Variants in TMEM132D observed in about 807,000 individuals in gnomAD.
TMEM132D encodes mature OL transmembrane protein.
In TMEM132D, 21 loss-of-function variants were observed where a neutral mutation model predicts 62.3. The observed-to-expected ratio is 0.34, with a 90% CI of 0.24 to 0.49. The LOEUF is 0.49. Among genes scored for constraint, TMEM132D ranks in the 20% least tolerant of loss-of-function variants. The pLI, the probability that TMEM132D is intolerant of heterozygous loss-of-function variation, is 0.99. For synonymous variants in TMEM132D, 621 were observed against 575.6 expected, an observed-to-expected ratio of 1.08 and a Z score of -1.13; for missense variants, 1,346 against 1,402.8, an observed-to-expected ratio of 0.96 and a Z score of 0.65.
At chr12:129,274,540 G>A (rs2135603436) in intron 4 of TMEM132D, among the ~76,000 whole-genome samples, 1 of 152,162 alleles carries the variant, frequency 6.6e-6, no homozygotes, top group South Asian at 2.1e-4. Context: ...AAGAGCAGTA[G>A]GCCTTTTCCT....
Position 129,494,878 on chromosome 12 carries a change from C to G in TMEM132D, c.1115+36181G>C, listed in dbSNP as rs73429779. On this transcript the variant is annotated intron_variant, in intron 3 of 8. Coordinates refer to ENST00000422113, the MANE Select transcript of TMEM132D (RefSeq NM_133448.3). Reference sequence around the variant, plus strand: ...CTGGCCTCTTTGGGATCCTCAAACACTTCAGACATATGCCCTGTACTCAGT... The same window carrying G: ...CTGGCCTCTTTGGGATCCTCAAACAGTTCAGACATATGCCCTGTACTCAGT... 9.7e-3 allele frequency among the ~76,000 whole-genome samples: 1,472 copies of G among 152,296 alleles called. 27 individuals carry two copies. Among genetic ancestry groups the G allele is most frequent in the African/African-American group, 0.033 (1,388 of 41,562 alleles).
intron 3 of TMEM132D, among the ~76,000 whole-genome samples, chr12:129,369,313 G>C (rs771498329): frequency 6.6e-6 from 1 of 151,880 alleles, no homozygotes; most frequent in Non-Finnish European, 1.5e-5. Flanking sequence ...CTCCCTAATC[G>C]ATGATCCACC....
At chr12:129,882,447 A>C (rs1461718551) in intron 1 of TMEM132D, among the ~76,000 whole-genome samples, 1 of 152,198 alleles carries the variant, frequency 6.6e-6, no homozygotes, top group Non-Finnish European at 1.5e-5. Context: ...GAGGAAAATA[A>C]GGATAGTCCA....
intron 2 of TMEM132D, among the ~76,000 whole-genome samples, chr12:129,560,412 G>A (rs755482581): frequency 3.3e-5 from 5 of 151,574 alleles, no homozygotes; most frequent in African/African-American, 4.8e-5. Flanking sequence ...GATCACAGGT[G>A]TGCACCACTA....
intron 1 of TMEM132D, among the ~76,000 whole-genome samples, chr12:129,881,329 T>C (rs1874589614): frequency 6.6e-6 from 1 of 152,042 alleles, no homozygotes. Context: ...GAATATGGAC[T>C]ATCTGGTATG....
chr12:129,325,779 C>T (rs1476604923), intron 4 of TMEM132D, among the ~76,000 whole-genome samples: 5 of 152,194 alleles, frequency 3.3e-5, no homozygotes, highest in Non-Finnish European at 5.9e-5. Context: ...GAATTAGTCA[C>T]AAACATGCCC....
intron 5 of TMEM132D, among the ~76,000 whole-genome samples, chr12:129,188,023 G>A (rs927008316): frequency 3.3e-5 from 5 of 152,208 alleles, no homozygotes; most frequent in Admixed American, 2.6e-4. Flanking sequence ...ACATGACGCG[G>A]TAGACTGACA....
chr12:129,793,500 A>G (rs1242210250), intron 1 of TMEM132D, among the ~76,000 whole-genome samples: 1 of 152,020 alleles, frequency 6.6e-6, no homozygotes, highest in Non-Finnish European at 1.5e-5. Context: ...TCAACCTCAC[A>G]AGTAGCTGGG....
intron 1 of TMEM132D, among the ~76,000 whole-genome samples, chr12:129,729,656 T>G (rs1248482832): frequency 1.3e-5 from 2 of 152,240 alleles, no homozygotes; most frequent in Admixed American, 1.3e-4. Flanking sequence ...AATGCTTATC[T>G]TTCTACTGGC....
chr12:129,506,752 A>C (rs1875342967), intron 3 of TMEM132D, among the ~76,000 whole-genome samples: 1 of 152,220 alleles, frequency 6.6e-6, no homozygotes, highest in East Asian at 1.9e-4. Flanking sequence ...GAACTACAAA[A>C]ATTCTAGAAG....
At chr12:129,297,119 G>T (rs1881598086) in intron 4 of TMEM132D, among the ~76,000 whole-genome samples, 2 of 152,220 alleles carry the variant, frequency 1.3e-5, no homozygotes, top group African/African-American at 4.8e-5. Flanking sequence ...CACGCAGGGA[G>T]ACCCCCGTCT....
rs571509478 is a variant in TMEM132D at position 129,376,821 on chromosome 12, G to A, written c.1116-39004C>T. On this transcript the variant is annotated intron_variant, in intron 3 of 8. Transcript: ENST00000422113. ...ACTTAACGAGTTATTTCTTGTAAACGTGTGTTAAAGAAAAACAGAACTTAA... is the reference window on the plus strand; with the variant it reads ...ACTTAACGAGTTATTTCTTGTAAACATGTGTTAAAGAAAAACAGAACTTAA... Among the ~76,000 whole-genome samples the A allele has an allele frequency of 5.6e-4, 86 of 152,298 alleles. 1 individual carries two copies. Among genetic ancestry groups the A allele is most frequent in the African/African-American group, 2.0e-3 (82 of 41,564 alleles).
chr12:129,626,698 C>T (rs529792664), intron 2 of TMEM132D, among the ~76,000 whole-genome samples: 19 of 152,240 alleles, frequency 1.2e-4, no homozygotes, highest in East Asian at 3.9e-4. Flanking sequence ...TCAAGTGATC[C>T]GCCCTCCTCA....
At position 129,547,536 on chromosome 12, in the gene TMEM132D, ACAG is replaced by A. The variant is rs796148301; in HGVS notation, c.969-16334_969-16332del. Reference sequence around the variant, plus strand: ...AAGGGATGAGGGCATTTTCAGGAGCACAGTTCAACCCTCAACACCGGTCATTTC... The same window carrying A: ...AAGGGATGAGGGCATTTTCAGGAGCATTCAACCCTCAACACCGGTCATTTC... On this transcript the variant is annotated intron_variant, in intron 2 of 8. Transcript: ENST00000422113. 2.1e-4 allele frequency among the ~76,000 whole-genome samples: 32 copies of A among 152,298 alleles called. 1 individual carries two copies. Among genetic ancestry groups the A allele is most frequent in the African/African-American group, 7.5e-4 (31 of 41,574 alleles).
intron 2 of TMEM132D, among the ~76,000 whole-genome samples, chr12:129,567,013 G>A (rs1877385434): frequency 6.6e-6 from 1 of 152,188 alleles, no homozygotes; most frequent in African/African-American, 2.4e-5. Flanking sequence ...CTGACGTCAT[G>A]TCTCCCTAAA....
chr12:129,534,181 A>T (rs1307420023), intron 2 of TMEM132D, among the ~76,000 whole-genome samples: 2 of 152,100 alleles, frequency 1.3e-5, no homozygotes, highest in East Asian at 3.9e-4. Flanking sequence ...TGGTTCAATA[A>T]ATACAGGTTA....
chr12:129,245,864 C>G (rs1013257888), intron 4 of TMEM132D, among the ~76,000 whole-genome samples: 4 of 152,134 alleles, frequency 2.6e-5, no homozygotes, highest in African/African-American at 9.7e-5. Flanking sequence ...CAGAGTTAGT[C>G]GCCACCCTAT....
At chr12:129,347,507 T>A (rs549260300) in intron 3 of TMEM132D, among the ~76,000 whole-genome samples, 9 of 152,350 alleles carry the variant, frequency 5.9e-5, no homozygotes, top group African/African-American at 2.2e-4. Context: ...GCTGGCCATA[T>A]GCAGAAAACA....
intron 1 of TMEM132D, among the ~76,000 whole-genome samples, chr12:129,772,206 C>A (rs1870777631): frequency 6.6e-6 from 1 of 152,144 alleles, no homozygotes; most frequent in Non-Finnish European, 1.5e-5. Flanking sequence ...CAAAGCATAG[C>A]TGCAACAGAA....
Sources: allele counts gnomAD v4.1 joint callset (sites outside exome capture counted in the v4.1 genomes callset), GRCh38; gene constraint gnomAD v4.1.1; transcripts MANE v1.5; gene names NCBI Gene and HGNC (gene_info 2026-07-23, HGNC 2026-07-21).